Variants in OPCML observed in about 807,000 individuals in gnomAD.
The protein encoded by OPCML is opioid binding protein/cell adhesion molecule like, also known as opioid-binding protein/cell adhesion molecule.
OPCML carries 13 observed loss-of-function variants against 37.8 expected under a neutral mutation model. That is an observed-to-expected ratio of 0.34 (90% confidence interval 0.22 to 0.55). The LOEUF is 0.55. Among genes scored for constraint, OPCML ranks in the 20% least tolerant of loss-of-function variants. The pLI is 0.91. For synonymous variants in OPCML, 176 were observed against 168.8 expected, an observed-to-expected ratio of 1.04 and a Z score of -0.33; for missense variants, 341 against 435.6, an observed-to-expected ratio of 0.78 and a Z score of 1.93.
At chr11:132,490,662 C>CA in intron 4 of OPCML, among the ~76,000 whole-genome samples, 1 of 151,808 alleles carries the variant, frequency 6.6e-6, no homozygotes, top group African/African-American at 2.4e-5. Context: ...ACTAAAAATA[C>CA]AAAAAAATTA....
chr11:132,764,500 T>A (rs1252111424), intron 2 of OPCML, among the ~76,000 whole-genome samples: 2 of 152,234 alleles, frequency 1.3e-5, no homozygotes, highest in Admixed American at 1.3e-4. Flanking sequence ...GGGATATGGC[T>A]TAACCTCCGG....
intron 4 of OPCML, among the ~76,000 whole-genome samples, chr11:132,480,983 A>G (rs1173536457): frequency 6.6e-6 from 1 of 152,186 alleles, no homozygotes; most frequent in Non-Finnish European, 1.5e-5. Flanking sequence ...ATAACCAGCT[A>G]ACATCATAAC....
At chr11:132,535,283 A>T (rs1007799990) in intron 3 of OPCML, among the ~76,000 whole-genome samples, 2 of 152,092 alleles carry the variant, frequency 1.3e-5, no homozygotes, top group African/African-American at 4.8e-5. Flanking sequence ...AAGCAAATGC[A>T]CAGGGAAAAT....
At chr11:133,188,768 A>T (rs1224919494) in intron 1 of OPCML, among the ~76,000 whole-genome samples, 1 of 152,224 alleles carries the variant, frequency 6.6e-6, no homozygotes, top group Admixed American at 6.5e-5. Flanking sequence ...AAGATCTATA[A>T]ATTATCCTTG....
At chr11:133,013,135 T>A (rs752606188) in intron 1 of OPCML, among the ~76,000 whole-genome samples, 1 of 152,098 alleles carries the variant, frequency 6.6e-6, no homozygotes, top group Non-Finnish European at 1.5e-5. Flanking sequence ...CTAGGACCAT[T>A]TTTCCGGTGG....
chr11:132,445,705 A>T (rs1356066670), intron 4 of OPCML, among the ~76,000 whole-genome samples: 1 of 152,112 alleles, frequency 6.6e-6, no homozygotes, highest in African/African-American at 2.4e-5. Flanking sequence ...AGGGGACTCT[A>T]ATGTACAGTC....
chr11:133,492,948 A>T (rs940535090), intron 1 of OPCML, among the ~76,000 whole-genome samples: 1 of 152,196 alleles, frequency 6.6e-6, no homozygotes, highest in East Asian at 1.9e-4. Context: ...AGAATATGCC[A>T]TAAGAAGCAT....
intron 1 of OPCML, among the ~76,000 whole-genome samples, chr11:133,189,967 T>C (rs141970500): frequency 6.6e-6 from 1 of 152,256 alleles, no homozygotes; most frequent in African/African-American, 2.4e-5. Flanking sequence ...TGCTTCATCC[T>C]TCCCTGGCGG....
intron 3 of OPCML, among the ~76,000 whole-genome samples, chr11:132,542,847 T>C (rs1324858658): frequency 1.3e-5 from 2 of 152,170 alleles, no homozygotes; most frequent in African/African-American, 4.8e-5. Flanking sequence ...CCCACGCCTC[T>C]TCCCTTCTCC....
At chr11:132,680,939 G>A (rs568563227) in intron 2 of OPCML, among the ~76,000 whole-genome samples, 9 of 152,318 alleles carry the variant, frequency 5.9e-5, no homozygotes, top group African/African-American at 1.9e-4. Context: ...GGCAAGCATC[G>A]CGCAGCGTGG....
At chr11:132,952,957 A>T (rs1030155581) in intron 1 of OPCML, among the ~76,000 whole-genome samples, 4 of 152,188 alleles carry the variant, frequency 2.6e-5, no homozygotes, top group African/African-American at 9.6e-5. Context: ...CATGACAACA[A>T]AAAAACTTTA....
intron 2 of OPCML, among the ~76,000 whole-genome samples, chr11:132,942,032 C>T (rs1945595600): frequency 6.6e-6 from 1 of 152,116 alleles, no homozygotes; most frequent in Non-Finnish European, 1.5e-5. Context: ...ATGCATTCGC[C>T]CTGTGTACAT....
chr11:133,187,754 T>C (rs893575353), intron 1 of OPCML, among the ~76,000 whole-genome samples: 6 of 152,204 alleles, frequency 3.9e-5, no homozygotes, highest in Non-Finnish European at 7.3e-5. Context: ...TACGCATATA[T>C]TGTGTACAAC....
At chr11:133,003,975 C>A in intron 1 of OPCML, 1 of 985,414 alleles carries the variant, frequency 1.0e-6, no homozygotes, top group Non-Finnish European at 1.2e-6. Flanking sequence ...GCAGATCCCT[C>A]GAGAAGTCCC....
chr11:133,479,088 G>C (rs1176008627), intron 1 of OPCML, among the ~76,000 whole-genome samples: 1 of 152,160 alleles, frequency 6.6e-6, no homozygotes, highest in East Asian at 1.9e-4. Flanking sequence ...CTTATGTAGC[G>C]TTTAGCACAA....
chr11:132,741,064 C>T (rs1007063252), intron 2 of OPCML, among the ~76,000 whole-genome samples: 2 of 152,142 alleles, frequency 1.3e-5, no homozygotes, highest in African/African-American at 4.8e-5. Flanking sequence ...TCCTATTTGT[C>T]TTACCTTTCC....
chr11:133,058,662 A>C (rs1948285046), intron 1 of OPCML, among the ~76,000 whole-genome samples: 1 of 152,160 alleles, frequency 6.6e-6, no homozygotes. Flanking sequence ...TCAGGTAGTG[A>C]GCGCGGCTCC....
chr11:133,496,252 G>T (rs1014185606), intron 1 of OPCML, among the ~76,000 whole-genome samples: 8 of 152,158 alleles, frequency 5.3e-5, no homozygotes, highest in Non-Finnish European at 1.2e-4. Flanking sequence ...CTGTTCCATT[G>T]GTCTATGTGC....
At chr11:132,746,034 G>C (rs900376384) in intron 2 of OPCML, among the ~76,000 whole-genome samples, 1 of 152,074 alleles carries the variant, frequency 6.6e-6, no homozygotes, top group African/African-American at 2.4e-5. Context: ...GCTCTGCTCT[G>C]AGCAGCTGTG....
Sources: gnomAD v4.1 joint callset for allele counts (sites outside exome capture counted in the v4.1 genomes callset) on GRCh38, gnomAD v4.1.1 for gene constraint, MANE v1.5 for transcripts, NCBI Gene and HGNC (gene_info 2026-07-23, HGNC 2026-07-21) for gene names.